Variants in HNRNPAB observed in about 807,000 individuals in gnomAD.
The protein encoded by HNRNPAB is heterogeneous nuclear ribonucleoprotein A/B.
A neutral mutation model predicts 44.1 loss-of-function variants in HNRNPAB; 17 were observed. The observed-to-expected ratio is 0.39, with a 90% confidence interval of 0.26 to 0.58. The LOEUF is 0.58. HNRNPAB is among the 20% of genes least tolerant of loss of function. The pLI, the probability that HNRNPAB is intolerant of heterozygous loss-of-function variation, is 0.63. For synonymous variants in HNRNPAB, 183 were observed against 167.6 expected, an observed-to-expected ratio of 1.09 and a Z score of -0.71; for missense variants, 393 against 432.7, an observed-to-expected ratio of 0.91 and a Z score of 0.81.
chr5:178,209,213 T>C, intron 5 of HNRNPAB, 117 bp from the exon 6 acceptor site: 1 of 852,408 alleles, frequency 1.2e-6, no homozygotes. Context: ...TAGCATATTT[T>C]GTTTCTCAGC....
At position 178,210,547 on chromosome 5, in the gene HNRNPAB, C is replaced by T. The variant is rs1392259467; in HGVS notation, c.929-6C>T. 6.2e-7 allele frequency: 1 copy of T among 1,613,736 alleles called. No individual in the cohort carries two copies. The highest frequency in any genetic ancestry group is 2.2e-5 in the East Asian group (1 of 44,872). On this transcript the variant is annotated splice_polypyrimidine_tract_variant and splice_region_variant and intron_variant, in intron 7 of 7. Coordinates refer to ENST00000358344, the MANE Select transcript of HNRNPAB (RefSeq NM_031266.3). Reference sequence around the variant, plus strand: ...TAGTAGCTGCTATGGTTGTTCTCGTCCCTAGGTCAGGGTAGTACAAACTAC... The same window carrying T: ...TAGTAGCTGCTATGGTTGTTCTCGTTCCTAGGTCAGGGTAGTACAAACTAC...
chr5:178,209,768 G>A (rs1757619282), intron 6 of HNRNPAB, among the ~76,000 whole-genome samples: 1 of 152,140 alleles, frequency 6.6e-6, no homozygotes, highest in African/African-American at 2.4e-5. Flanking sequence ...AGAAGGGTGG[G>A]TAGGGCAGAG....
At chr5:178,208,119 T>A (rs1442009097) in intron 5 of HNRNPAB, among the ~76,000 whole-genome samples, 1 of 152,190 alleles carries the variant, frequency 6.6e-6, no homozygotes, top group Non-Finnish European at 1.5e-5. Context: ...GCTCTTCCCC[T>A]CCTGAACTCT....
At position 178,209,323 on chromosome 5, in the gene HNRNPAB, C is replaced by CT. The variant is rs748130778; in HGVS notation, c.670-3dup. The CT allele has an allele frequency of 6.2e-7, 1 of 1,613,152 alleles. No homozygotes were observed. The highest frequency in any genetic ancestry group is 2.2e-5 in the East Asian group (1 of 44,884). On this transcript the variant is annotated splice_region_variant and splice_polypyrimidine_tract_variant and intron_variant, in intron 5 of 7. Coordinates refer to ENST00000358344, the MANE Select transcript of HNRNPAB (RefSeq NM_031266.3). ...ACTGGCCTGACCACTGTCCTCTTGA[C>CT]TTTTAGTGTGAGATCAAGGTGGCCC...
rs548699206 is a variant in HNRNPAB at position 178,205,580 on chromosome 5, G to T, written c.210-262G>T. The T allele has an allele frequency of 1.2e-4, 47 of 388,578 alleles. No homozygotes were observed. The East Asian group carries it at 1.7e-3, about 14-fold the overall frequency. The allele number at this position is 388,578 out of a possible 1,614,324, so 24.1% of individuals were successfully genotyped here. On this transcript the variant is annotated intron_variant, in intron 2 of 7. Coordinates refer to ENST00000358344, the MANE Select transcript of HNRNPAB (RefSeq NM_031266.3). ...AGAACACATGAATTTCCAGTTATGA[G>T]TGGTTAGGTCCCATACCCCTGGTGA... is the stretch of plus-strand genomic sequence containing the variant.
chr5:178,211,160 C>CCAAG (rs1758221442), exon 8 of HNRNPAB: 2 of 156,486 alleles, frequency 1.3e-5, no homozygotes, highest in Admixed American at 1.3e-4. Context: ...TTAAAAACCC[C>CCAAG]CAAGCCTGGG....
rs755376264 is a variant in HNRNPAB at position 178,209,427 on chromosome 5, G to A, written c.767G>A (p.Gly256Glu). The A allele has an allele frequency of 6.2e-7, 1 of 1,614,106 alleles. No individual in the cohort carries two copies. Among genetic ancestry groups the A allele is most frequent in the Non-Finnish European group, 8.5e-7 (1 of 1,180,002 alleles). The change falls in exon 6 of 8, where the codon GGA (glycine) becomes GAA (glutamate). Residue 256 changes from glycine (G) to glutamate (E), a missense_variant. Physicochemically the swap from Gly to Glu is moderately conservative, Grantham distance 98. Around this residue, in one of 3 missense-constraint regions of HNRNPAB, gnomAD observed 210 missense variants for 196.9 expected, o/e 1.07. Transcript: ENST00000358344. Reference protein sequence around the residue: ...GNRNRGNRGSGGGGGGGGQSQ... With the variant: ...GNRNRGNRGSEGGGGGGGQSQ... The stretch of plus-strand genomic sequence containing the variant: ...CGCAACCGAGGGAACCGAGGCAGCG[G>A]AGGTGGTGGTGGAGGTGGAGGTGAG...
chr5:178,205,632 G>C, intron 2 of HNRNPAB: 1 of 537,152 alleles, frequency 1.9e-6, no homozygotes. Context: ...CTTCTCACAG[G>C]CTGGGGCTGC....
chr5:178,208,130 G>C (rs935583237), intron 5 of HNRNPAB, among the ~76,000 whole-genome samples: 1 of 152,158 alleles, frequency 6.6e-6, no homozygotes, highest in Admixed American at 6.5e-5. Flanking sequence ...CCTGAACTCT[G>C]GTCAGGGAAA....
chr5:178,207,354 G>C (rs938784496), intron 5 of HNRNPAB, 129 bp downstream of exon 5: 3 of 1,091,074 alleles, frequency 2.7e-6, no homozygotes, highest in South Asian at 3.1e-5. Flanking sequence ...TCTCTGAAGC[G>C]TATGCTGCCC....
rs1026355217 is a variant in HNRNPAB at position 178,205,747 on chromosome 5, G to GT, written c.210-94dup. 4.0e-5 allele frequency: 48 copies of GT among 1,188,382 alleles called. No homozygotes were observed. In the Admixed American group the frequency reaches 4.9e-4, roughly 12 times the overall value. 73.6% of individuals were successfully genotyped at this position (1,188,382 alleles called of 1,614,324 possible). On this transcript the variant is annotated intron_variant, in intron 2 of 7. Coordinates refer to ENST00000358344, the MANE Select transcript of HNRNPAB (RefSeq NM_031266.3). ...CTCCTTGCAGACTCTAAGGGTAGCT[G>GT]TAGACTTCGTGAGAACTTTGCCAGG...
intron 5 of HNRNPAB, 88 bp from the exon 6 acceptor site, chr5:178,209,242 A>G: frequency 9.7e-7 from 1 of 1,025,896 alleles, no homozygotes; most frequent in South Asian, 1.3e-5. Context: ...CTGATCCACC[A>G]TTTGATGTTT....
At chr5:178,208,157 AAGTTGGC>A (rs1757178107) in intron 5 of HNRNPAB, among the ~76,000 whole-genome samples, 2 of 152,100 alleles carry the variant, frequency 1.3e-5, no homozygotes, top group East Asian at 3.9e-4. Context: ...TTCAGGCTTC[AAGTTGGC>A]AGTTGGGAGT....
Position 178,210,148 on chromosome 5 carries a change from G to C in HNRNPAB, c.804G>C (p.Trp268Cys), listed in dbSNP as rs11546683. Residue 268 changes from tryptophan to cysteine, a missense_variant, in exon 7 of 8, where the codon TGG (tryptophan) becomes TGC (cysteine). This residue lies in a region of HNRNPAB where 210 missense variants were observed against 196.9 expected (regional missense o/e 1.07). Coordinates refer to ENST00000358344, the MANE Select transcript of HNRNPAB (RefSeq NM_031266.3). ...GGGGGGQSQS[W>C]NQGYGNYWNQ... Reference sequence around the variant, plus strand: ...CCCCCACAGGTCAGAGTCAGAGTTGGAATCAGGGCTACGGCAACTACTGGA... The same window carrying C: ...CCCCCACAGGTCAGAGTCAGAGTTGCAATCAGGGCTACGGCAACTACTGGA... 1 of 1,614,130 alleles carries C rather than the reference G, an allele frequency of 6.2e-7. No individual in the cohort carries two copies.
In HNRNPAB at chr5:178,204,965, C is replaced by T. The variant is rs1275197055; in HGVS notation, c.128C>T (p.Ala43Val). ...GTGAAAGAGG[A>V]TAAPPSGNQN... ...GGCGCCGCGGCGGGGGCTGGAGGCG[C>T]GACCGCGGCGCCCCCGAGCGGGAAT... Residue 43 changes from alanine to valine, a missense_variant, in exon 2 of 8, where the codon GCG (alanine) becomes GTG (valine). Coordinates refer to ENST00000358344, the MANE Select transcript of HNRNPAB (RefSeq NM_031266.3). 6 of 1,209,632 alleles carry T rather than the reference C, an allele frequency of 5.0e-6. No individual in the cohort carries two copies. Among genetic ancestry groups the T allele is most frequent in the East Asian group, 6.7e-5 (2 of 29,894 alleles). The allele number at this position is 1,209,632 out of a possible 1,614,324, so 74.9% of individuals were successfully genotyped here. A position where few individuals can be genotyped will look rare whatever the true frequency, so the allele number is the denominator to read the frequency against.
intron 5 of HNRNPAB, among the ~76,000 whole-genome samples, chr5:178,208,269 GTC>G (rs1456495554): frequency 2.0e-5 from 3 of 152,206 alleles, no homozygotes; most frequent in Admixed American, 6.5e-5. Flanking sequence ...ACTCCTGGAA[GTC>G]TCTATCCTGG....
chr5:178,206,138 G>C, intron 3 of HNRNPAB, 128 bp downstream of exon 3: 1 of 852,308 alleles, frequency 1.2e-6, no homozygotes, highest in East Asian at 2.4e-5. Context: ...AAAACCCAAA[G>C]CCGGAGGTTA....
chr5:178,204,922 CCGGCCGGGGCTGGCACGGGCGCCG>C lies in HNRNPAB; in HGVS notation c.90_113del (p.Thr34_Gly41del). The C allele has an allele frequency of 8.3e-7, 1 of 1,210,732 alleles. No homozygotes were observed. Among genetic ancestry groups the C allele is most frequent in the East Asian group, 3.3e-5 (1 of 29,964 alleles). 75.0% of individuals were successfully genotyped at this position (1,210,732 alleles called of 1,614,324 possible). ...TGAGGCCGTCCCCGAAGGCGAGTCG[CCGGCCGGGGCTGGCACGGGCGCCG>C]CGGCGGGGGCTGGAGGCGCGACCGC... On this transcript the variant is annotated inframe_deletion, in exon 2 of 8. Transcript: ENST00000358344.
At chr5:178,206,099 G>C (rs1429963297) in intron 3 of HNRNPAB, 89 bp downstream of exon 3, 2 of 1,312,532 alleles carry the variant, frequency 1.5e-6, no homozygotes, top group African/African-American at 3.0e-5. Context: ...TAGTTTGTGT[G>C]GTCTGCATGT....
Sources: gnomAD v4.1 joint callset for allele counts (sites outside exome capture counted in the v4.1 genomes callset) on GRCh38, gnomAD v4.1.1 for gene constraint, gnomAD v4.1.1 regional missense constraint, MANE v1.5 for transcripts, NCBI Gene and HGNC (gene_info 2026-07-23, HGNC 2026-07-21) for gene names.